ITPR2: variants seen among roughly 807,000 people sequenced by gnomAD.
ITPR2 encodes the protein inositol 1,4,5-trisphosphate-gated calcium channel ITPR2.
ITPR2 carries 207 observed loss-of-function variants against 317.1 expected under a neutral mutation model. The observed-to-expected ratio is 0.65, with a 90% CI of 0.58 to 0.73. ITPR2 has a LOEUF of 0.73. Among genes scored for constraint, ITPR2 ranks in the 30% least tolerant of loss-of-function variants. The pLI, the probability that ITPR2 is intolerant of heterozygous loss-of-function variation, is 0.00. For missense variants in ITPR2, 2,613 were observed against 3,284.0 expected (o/e 0.80, Z 4.99); for synonymous variants, 1,156 against 1,149.1 (o/e 1.01, Z -0.12).
intron 37 of ITPR2, among the ~76,000 whole-genome samples, chr12:26,545,477 A>G (rs1944373726): frequency 6.6e-6 from 1 of 152,172 alleles, no homozygotes; most frequent in South Asian, 2.1e-4. Context: ...GGTGGCCTCC[A>G]GAATCCAGAA....
intron 32 of ITPR2, among the ~76,000 whole-genome samples, chr12:26,591,029 GAGATAGC>G (rs936261860): frequency 7.6e-6 from 1 of 132,202 alleles, no homozygotes; most frequent in African/African-American, 2.9e-5. Context: ...GCAGTGACCT[GAGATAGC>G]ACCACCGCAC....
At chr12:26,811,263 ACATTTTCTTCCTATTTG>A (rs970353289) in intron 1 of ITPR2, among the ~76,000 whole-genome samples, 12 of 152,338 alleles carry the variant, frequency 7.9e-5, no homozygotes, top group Admixed American at 2.6e-4. Context: ...AACTAATTCA[ACATTTTCTTCCTATTTG>A]CATCACTGCT....
chr12:26,594,371 T>C (rs1046139759), intron 32 of ITPR2, among the ~76,000 whole-genome samples: 1 of 151,788 alleles, frequency 6.6e-6, no homozygotes, highest in Admixed American at 6.5e-5. Flanking sequence ...CATGTCTGAG[T>C]CTACAGGCAG....
intron 37 of ITPR2, among the ~76,000 whole-genome samples, chr12:26,503,034 G>T (rs1248800632): frequency 6.6e-6 from 1 of 152,074 alleles, no homozygotes; most frequent in Non-Finnish European, 1.5e-5. Flanking sequence ...GGAGTTTCTT[G>T]CATTCTCAAC....
At chr12:26,691,372 G>A (rs1271959766) in intron 10 of ITPR2, among the ~76,000 whole-genome samples, 6 of 152,016 alleles carry the variant, frequency 3.9e-5, no homozygotes, top group Non-Finnish European at 8.8e-5. Flanking sequence ...TCACAGAAGC[G>A]CAACGCCCTC....
chr12:26,656,020 T>C (rs10506008), intron 19 of ITPR2, among the ~76,000 whole-genome samples, 168 bp from the exon 20 acceptor site: 20,482 of 152,222 alleles, frequency 0.13, 1,783 homozygotes, highest in Non-Finnish European at 0.2. Context: ...AGTTAGCACG[T>C]GTAAAGCAGT....
chr12:26,740,116 G>A (rs910153267), intron 2 of ITPR2, among the ~76,000 whole-genome samples: 2 of 152,098 alleles, frequency 1.3e-5, no homozygotes, highest in African/African-American at 4.8e-5. Context: ...AATCTAGTGA[G>A]ATAAATTTTT....
At chr12:26,715,957 T>A in intron 6 of ITPR2, 122 bp from the exon 7 acceptor site, 1 of 769,160 alleles carries the variant, frequency 1.3e-6, no homozygotes, top group Non-Finnish European at 2.2e-6. Context: ...TATAGCTCAA[T>A]ACAAGTATCT....
chr12:26,762,639 C>T (rs1427941400), intron 2 of ITPR2, among the ~76,000 whole-genome samples: 1 of 152,102 alleles, frequency 6.6e-6, no homozygotes, highest in East Asian at 1.9e-4. Context: ...ATAAAATTCA[C>T]TTTAAAGGTA....
Position 26,726,888 on chromosome 12 carries a change from A to AT in ITPR2, c.164-1124dup, listed in dbSNP as rs1353770968. Among the ~76,000 whole-genome samples the AT allele has an allele frequency of 4.6e-5, 7 of 152,144 alleles. No homozygotes were observed. The East Asian group carries it at 7.7e-4, about 17-fold the overall frequency. On this transcript the variant is annotated intron_variant, in intron 2 of 56. Coordinates refer to ENST00000381340, the MANE Select transcript of ITPR2 (RefSeq NM_002223.4). ...ATGTAGGAAAAACAAGACAATGATG[A>AT]TTTTTTTCTATAAGAACACATATTC...
At chr12:26,779,801 G>A (rs368664675) in intron 2 of ITPR2, among the ~76,000 whole-genome samples, 17 of 152,328 alleles carry the variant, frequency 1.1e-4, no homozygotes, top group African/African-American at 3.8e-4. Flanking sequence ...CCAGATGTGC[G>A]ATTATACACT....
chr12:26,830,935 T>C (rs1488505223), intron 1 of ITPR2, among the ~76,000 whole-genome samples: 1 of 152,168 alleles, frequency 6.6e-6, no homozygotes, highest in Non-Finnish European at 1.5e-5. Context: ...CTATTCCCAT[T>C]TGTAGAACTG....
chr12:26,565,637 C>G (rs1944937971), intron 34 of ITPR2, among the ~76,000 whole-genome samples: 1 of 151,658 alleles, frequency 6.6e-6, no homozygotes, highest in Non-Finnish European at 1.5e-5. Flanking sequence ...CTTAAAGATA[C>G]TCAAAAACTT....
intron 15 of ITPR2, among the ~76,000 whole-genome samples, chr12:26,661,079 T>C (rs899717680): frequency 5.9e-5 from 9 of 151,838 alleles, no homozygotes; most frequent in Non-Finnish European, 1.3e-4. Flanking sequence ...TTCCCAGCTA[T>C]CACTGAGATT....
At chr12:26,592,916 A>G (rs367749672) in intron 32 of ITPR2, among the ~76,000 whole-genome samples, 1 of 152,182 alleles carries the variant, frequency 6.6e-6, no homozygotes, top group East Asian at 1.9e-4. Context: ...GATGTTACCA[A>G]CTCTCTTACT....
rs754252382 is a variant in ITPR2 at position 26,631,912 on chromosome 12, T to A, written c.2888A>T (p.Asp963Val). The change falls in exon 22 of 57, where the codon GAT (aspartate) becomes GTT (valine). Residue 963 changes from aspartate (D) to valine (V), a missense_variant. Asp to Val is a radical substitution (Grantham distance 152). Transcript: ENST00000381340. The stretch of plus-strand genomic sequence containing the variant: ...CAGCTTGGTGTCCATCACAGTCACA[T>A]CCTCGTGCTCGGTGGGGCTCCCTTG... Reference protein sequence around the residue: ...SKQGSPTEHEDVTVMDTKLKI... With the variant: ...SKQGSPTEHEVVTVMDTKLKI... The A allele has an allele frequency of 3.7e-6, 6 of 1,613,942 alleles. No homozygotes were observed. Among genetic ancestry groups the A allele is most frequent in the African/African-American group, 1.3e-5 (1 of 74,904 alleles).
At chr12:26,802,588 T>G (rs201443017) in intron 1 of ITPR2, among the ~76,000 whole-genome samples, 2 of 9,594 alleles carry the variant, frequency 2.1e-4, no homozygotes, top group Admixed American at 1.4e-3. Flanking sequence ...TAGATATATC[T>G]ATATATAGAT....
chr12:26,474,214 T>C (rs1942357994), intron 45 of ITPR2, among the ~76,000 whole-genome samples: 1 of 152,138 alleles, frequency 6.6e-6, no homozygotes, highest in South Asian at 2.1e-4. Flanking sequence ...TTCAATCAAC[T>C]GATAAAACGT....
intron 32 of ITPR2, 69 bp downstream of exon 32, chr12:26,595,396 A>G: frequency 6.9e-7 from 1 of 1,447,766 alleles, no homozygotes. Flanking sequence ...GCAAGTTTTC[A>G]TCCAGATGCT....
Sources: gnomAD v4.1 joint callset for allele counts (sites outside exome capture counted in the v4.1 genomes callset) on GRCh38, gnomAD v4.1.1 for gene constraint, MANE v1.5 for transcripts, NCBI Gene and HGNC (gene_info 2026-07-23, HGNC 2026-07-21) for gene names.